Variants in CNTN4 observed in about 807,000 individuals in gnomAD.
The protein encoded by CNTN4 is contactin-4.
Under a neutral mutation model 122.5 loss-of-function variants are expected in CNTN4, and 77 were observed. The observed-to-expected ratio is 0.63, with a 90% CI of 0.52 to 0.76. The LOEUF (loss-of-function observed/expected upper bound fraction) is 0.76. Among genes scored for constraint, CNTN4 ranks in the 30% least tolerant of loss-of-function variants. The pLI is 0.00. For missense variants in CNTN4, 1,256 were observed against 1,259.1 expected, an observed-to-expected ratio of 1.00 and a Z score of 0.04; for synonymous variants, 512 against 447.0, an observed-to-expected ratio of 1.15 and a Z score of -1.83.
At chr3:2,420,485 G>T (rs1006607616) in intron 3 of CNTN4, among the ~76,000 whole-genome samples, 2 of 151,852 alleles carry the variant, frequency 1.3e-5, no homozygotes, top group Non-Finnish European at 2.9e-5. Flanking sequence ...CCCCAGGCTG[G>T]AGTCCAGTGG....
chr3:3,005,095 C>T (rs1559777990), intron 14 of CNTN4, among the ~76,000 whole-genome samples: 2 of 152,182 alleles, frequency 1.3e-5, no homozygotes, highest in Admixed American at 6.5e-5. Flanking sequence ...TTCTGGTAGC[C>T]CTTCTTCAGT....
At chr3:2,359,013 A>T (rs182987390) in intron 3 of CNTN4, among the ~76,000 whole-genome samples, 4 of 151,892 alleles carry the variant, frequency 2.6e-5, no homozygotes, top group Admixed American at 2.6e-4. Flanking sequence ...ATTTATAAAT[A>T]TGTCATAGTT....
At chr3:2,361,103 A>G (rs2045116250) in intron 3 of CNTN4, among the ~76,000 whole-genome samples, 1 of 152,216 alleles carries the variant, frequency 6.6e-6, no homozygotes, top group South Asian at 2.1e-4. Context: ...TATAAATTGT[A>G]TTAGACAATA....
chr3:2,326,773 A>G (rs971965430), intron 2 of CNTN4, among the ~76,000 whole-genome samples: 6 of 152,168 alleles, frequency 3.9e-5, no homozygotes, highest in South Asian at 2.1e-4. Context: ...TGGGCAATGA[A>G]GGTATTATTG....
intron 6 of CNTN4, among the ~76,000 whole-genome samples, chr3:2,773,295 T>A (rs2091183112): frequency 6.6e-6 from 1 of 152,180 alleles, no homozygotes; most frequent in Non-Finnish European, 1.5e-5. Flanking sequence ...TTTAATAGGC[T>A]GAAAGAGAAA....
At chr3:2,129,131 T>C (rs1412177495) in intron 2 of CNTN4, among the ~76,000 whole-genome samples, 2 of 152,112 alleles carry the variant, frequency 1.3e-5, no homozygotes, top group Non-Finnish European at 2.9e-5. Context: ...AAACAAAATT[T>C]CACCAACTTT....
intron 3 of CNTN4, among the ~76,000 whole-genome samples, chr3:2,461,568 C>T (rs540972414): frequency 1.1e-4 from 16 of 152,270 alleles, no homozygotes; most frequent in African/African-American, 2.9e-4. Flanking sequence ...ACCGCTGTAC[C>T]GACTTGTATC....
At position 3,030,968 on chromosome 3, in the gene CNTN4, T is replaced by A; in HGVS notation, c.1776T>A (p.Ile592=). The stretch of plus-strand genomic sequence containing the variant: ...GGCTATCTGCTGCTGCAGACCTGAT[T>A]GTAAGAGGTACTGGATTTTGTTGTT... ...VDRLSAAADL[I]VRGPPGPPEA... Residue 592 remains isoleucine (I), a synonymous_variant, in exon 16 of 25, where the codon ATT becomes ATA. Coordinates refer to ENST00000418658, the MANE Select transcript of CNTN4 (RefSeq NM_175607.3). The A allele has an allele frequency of 1.4e-5, 22 of 1,614,096 alleles. No homozygotes were observed. The highest frequency in any genetic ancestry group is 1.8e-5 in the Non-Finnish European group (21 of 1,179,926).
chr3:2,193,135 G>T (rs2037664940), intron 2 of CNTN4, among the ~76,000 whole-genome samples: 1 of 152,070 alleles, frequency 6.6e-6, no homozygotes, highest in Admixed American at 6.6e-5. Flanking sequence ...ACACAAGTTT[G>T]TCCATAGTTC....
At chr3:2,342,372 A>G (rs2044240548) in intron 3 of CNTN4, among the ~76,000 whole-genome samples, 1 of 152,206 alleles carries the variant, frequency 6.6e-6, no homozygotes, top group Admixed American at 6.5e-5. Flanking sequence ...GTTAGGGTAC[A>G]TTAGCAATAT....
At chr3:2,120,774 A>G (rs1182794829) in intron 2 of CNTN4, among the ~76,000 whole-genome samples, 1 of 151,354 alleles carries the variant, frequency 6.6e-6, no homozygotes, top group Non-Finnish European at 1.5e-5. Flanking sequence ...GCTCATCAAT[A>G]TTTGTCTAGA....
At chr3:2,396,469 C>A (rs2046644871) in intron 3 of CNTN4, among the ~76,000 whole-genome samples, 1 of 152,098 alleles carries the variant, frequency 6.6e-6, no homozygotes, top group Non-Finnish European at 1.5e-5. Flanking sequence ...CTCACATTGG[C>A]TTTACTACCC....
chr3:2,332,532 T>C (rs916125878), intron 2 of CNTN4, among the ~76,000 whole-genome samples: 1 of 152,098 alleles, frequency 6.6e-6, no homozygotes, highest in African/African-American at 2.4e-5. Flanking sequence ...AAAATACCAC[T>C]GTTCTGAGTA....
intron 4 of CNTN4, among the ~76,000 whole-genome samples, chr3:2,720,388 C>T (rs17019317): frequency 0.1 from 15,762 of 152,070 alleles, 1,183 homozygotes; most frequent in East Asian, 0.39. Flanking sequence ...CTATTCTGAG[C>T]CTGAACATTG....
Position 2,194,448 on chromosome 3 carries a change from G to A in CNTN4, c.-145+93809G>A, listed in dbSNP as rs376467193. Among the ~76,000 whole-genome samples the A allele has an allele frequency of 2.0e-5, 3 of 152,110 alleles. No homozygotes were observed. In the South Asian group the frequency reaches 6.2e-4, roughly 32 times the overall value. ...TGCACTCCAGCCTGGGTGACAGAGT[G>A]AGACCCCATGTCAACAGAAAAGAAA... On this transcript the variant is annotated intron_variant, in intron 2 of 24. Coordinates refer to ENST00000418658, the MANE Select transcript of CNTN4 (RefSeq NM_175607.3).
chr3:2,867,822 T>C (rs1008002011), intron 8 of CNTN4, among the ~76,000 whole-genome samples: 2 of 152,114 alleles, frequency 1.3e-5, no homozygotes, highest in East Asian at 1.9e-4. Flanking sequence ...CAGTTGTCTG[T>C]GTTCTTCACT....
intron 3 of CNTN4, among the ~76,000 whole-genome samples, chr3:2,502,571 A>C (rs1265026445): frequency 1.1e-4 from 16 of 151,994 alleles, no homozygotes; most frequent in Non-Finnish European, 1.8e-4. Flanking sequence ...CTGGCTTAGC[A>C]CTTTTGTTTT....
intron 10 of CNTN4, among the ~76,000 whole-genome samples, chr3:2,894,702 TA>T (rs1370860665): frequency 5.3e-5 from 8 of 151,962 alleles, no homozygotes; most frequent in Non-Finnish European, 5.9e-5. Context: ...CTTTGAAGAT[TA>T]AAAAAATAAA....
At chr3:2,467,259 TTC>T (rs1380867176) in intron 3 of CNTN4, among the ~76,000 whole-genome samples, 1 of 152,040 alleles carries the variant, frequency 6.6e-6, no homozygotes, top group Non-Finnish European at 1.5e-5. Context: ...ACTTTCTGAA[TTC>T]TAAATTTAGT....
Sources: gnomAD v4.1 joint callset for allele counts (sites outside exome capture counted in the v4.1 genomes callset) on GRCh38, gnomAD v4.1.1 for gene constraint, MANE v1.5 for transcripts, NCBI Gene and HGNC (gene_info 2026-07-23, HGNC 2026-07-21) for gene names.